OSBPL9: variants seen among roughly 807,000 people sequenced by gnomAD.
The protein encoded by OSBPL9 is oxysterol-binding protein-related protein 9.
Under a neutral mutation model 106.6 loss-of-function variants are expected in OSBPL9, and 40 were observed. The ratio of observed to expected loss-of-function variants is 0.38; its 90% CI spans 0.29 to 0.49. The LOEUF (loss-of-function observed/expected upper bound fraction) is 0.49. Ranked by LOEUF, OSBPL9 falls within the 20% of genes least tolerant of loss-of-function variation. OSBPL9 has a pLI of 0.97. For missense variants in OSBPL9, 609 were observed against 887.2 expected, an observed-to-expected ratio of 0.69 and a Z score of 3.98; for synonymous variants, 269 against 295.4, an observed-to-expected ratio of 0.91 and a Z score of 0.92.
chr1:51,605,532 A>G (rs950301584), intron 2 of OSBPL9, among the ~76,000 whole-genome samples: 24 of 152,372 alleles, frequency 1.6e-4, no homozygotes, highest in African/African-American at 5.8e-4. Context: ...GAGTAAAGAC[A>G]TTCAACACAG....
intron 4 of OSBPL9, among the ~76,000 whole-genome samples, chr1:51,743,088 A>G (rs557261789): frequency 1.8e-4 from 27 of 152,324 alleles, no homozygotes; most frequent in African/African-American, 6.5e-4. Flanking sequence ...TGAATTTTAC[A>G]TGATATTTTA....
chr1:51,547,695 T>C, the OSBPL9 span, among the ~76,000 whole-genome samples: 2 of 151,800 alleles, frequency 1.3e-5, no homozygotes, highest in Non-Finnish European at 2.9e-5. Context: ...AATACAAAAA[T>C]TAGCTGGGCA....
At chr1:51,712,707 T>G (rs1400895378) in intron 3 of OSBPL9, among the ~76,000 whole-genome samples, 2 of 152,258 alleles carry the variant, frequency 1.3e-5, no homozygotes, top group African/African-American at 4.8e-5. Flanking sequence ...CCTGTTGATC[T>G]GTTTCTGTTG....
At chr1:51,574,357 T>C (rs918426005), upstream of OSBPL9, among the ~76,000 whole-genome samples, 7 of 152,160 alleles carry the variant, frequency 4.6e-5, no homozygotes, top group Non-Finnish European at 8.8e-5. Flanking sequence ...CGGTGGCTCA[T>C]GCCTGTAATC....
intron 4 of OSBPL9, among the ~76,000 whole-genome samples, chr1:51,714,477 G>A (rs1660670830): frequency 6.6e-6 from 1 of 152,198 alleles, no homozygotes; most frequent in South Asian, 2.1e-4. Flanking sequence ...ATTACCGTAT[G>A]TGTCAGTTAG....
At chr1:51,736,989 G>C (rs566905520) in intron 4 of OSBPL9, among the ~76,000 whole-genome samples, 1 of 152,136 alleles carries the variant, frequency 6.6e-6, no homozygotes, top group East Asian at 1.9e-4. Context: ...TTCTTTAAGA[G>C]ATTGCTTTCT....
At chr1:51,557,899 T>A in the OSBPL9 span, among the ~76,000 whole-genome samples, 1 of 152,184 alleles carries the variant, frequency 6.6e-6, no homozygotes, top group Non-Finnish European at 1.5e-5. Context: ...GTGAAAGAAA[T>A]CTGACCTAAC....
chr1:51,546,660 G>T, the OSBPL9 span, among the ~76,000 whole-genome samples: 1 of 150,922 alleles, frequency 6.6e-6, no homozygotes, highest in African/African-American at 2.4e-5. Context: ...TCGTGCCACT[G>T]CACTCCAGCC....
At chr1:51,639,280 G>T (rs56737883) in intron 1 of OSBPL9, among the ~76,000 whole-genome samples, 1 of 152,114 alleles carries the variant, frequency 6.6e-6, no homozygotes, top group Admixed American at 6.6e-5. Context: ...TGCCTGTCAA[G>T]TTTTCCTCCT....
Position 51,603,013 on chromosome 1 carries a change from G to A in OSBPL9, c.-353+4820G>A, listed in dbSNP as rs912320358. On this transcript the variant is annotated intron_variant, in intron 2 of 25. Transcript: ENST00000371714. Reference sequence around the variant, plus strand: ...TTGGCAAAAAATACAAAAATTAGCCGGGCATGATGGCGTGCACCTGTAGTC... The same window carrying A: ...TTGGCAAAAAATACAAAAATTAGCCAGGCATGATGGCGTGCACCTGTAGTC... Among the ~76,000 whole-genome samples the A allele has an allele frequency of 5.9e-5, 9 of 152,088 alleles. No individual in the cohort carries two copies. In the South Asian group the frequency reaches 6.2e-4, roughly 11 times the overall value.
At chr1:51,718,160 C>T (rs1251362299) in intron 4 of OSBPL9, among the ~76,000 whole-genome samples, 3 of 152,114 alleles carry the variant, frequency 2.0e-5, no homozygotes, top group Admixed American at 6.5e-5. Flanking sequence ...TTAAAACAAT[C>T]GAACTCATGG....
At chr1:51,705,391 A>ATT (rs1557713124) in intron 3 of OSBPL9, among the ~76,000 whole-genome samples, 3 of 55,354 alleles carry the variant, frequency 5.4e-5, no homozygotes, top group Admixed American at 2.3e-4. Context: ...ATATATATAT[A>ATT]TATATATATT....
At chr1:51,649,760 C>CA (rs1646397559) in intron 1 of OSBPL9, among the ~76,000 whole-genome samples, 1 of 103,968 alleles carries the variant, frequency 9.6e-6, no homozygotes, top group Non-Finnish European at 1.9e-5. Flanking sequence ...TTTTTTTTTA[C>CA]ATTTTGCAAG....
At chr1:51,530,939 A>G in the OSBPL9 span, among the ~76,000 whole-genome samples, 1 of 150,878 alleles carries the variant, frequency 6.6e-6, no homozygotes, top group Non-Finnish European at 1.5e-5. Context: ...AGGCCACCGT[A>G]CTCCAGCCTG....
intron 23 of OSBPL9, 76 bp downstream of exon 23, chr1:51,787,564 CCAAA>C (rs2149172038): frequency 6.2e-7 from 1 of 1,605,454 alleles, no homozygotes; most frequent in African/African-American, 1.3e-5. Context: ...AAGTGATGTG[CCAAA>C]CACTGTTTAT....
intron 1 of OSBPL9, among the ~76,000 whole-genome samples, chr1:51,587,979 C>T (rs1645254425): frequency 6.6e-6 from 1 of 152,222 alleles, no homozygotes; most frequent in African/African-American, 2.4e-5. Context: ...AGCTGTACAA[C>T]CTTGGGAAAA....
chr1:51,622,402 G>A (rs1203004792), intron 1 of OSBPL9, among the ~76,000 whole-genome samples: 1 of 152,154 alleles, frequency 6.6e-6, no homozygotes, highest in Non-Finnish European at 1.5e-5. Context: ...AAATACCACT[G>A]GATTTAGTTA....
At chr1:51,602,015 G>GTCCTTTTTT (rs1557581345) in intron 2 of OSBPL9, among the ~76,000 whole-genome samples, 27 of 16,310 alleles carry the variant, frequency 1.7e-3, no homozygotes, top group African/African-American at 5.4e-3. Flanking sequence ...CATTCTTGGG[G>GTCCTTTTTT]TTCTTTTTTT....
At chr1:51,581,334 A>G (rs991068505) in intron 1 of OSBPL9, among the ~76,000 whole-genome samples, 2 of 152,174 alleles carry the variant, frequency 1.3e-5, no homozygotes, top group Admixed American at 6.5e-5. Context: ...ATCCCATCAT[A>G]TTAATGGTGC....
Sources: allele counts gnomAD v4.1 joint callset (sites outside exome capture counted in the v4.1 genomes callset), GRCh38; gene constraint gnomAD v4.1.1; transcripts MANE v1.5; gene names NCBI Gene and HGNC (gene_info 2026-07-23, HGNC 2026-07-21).